Variants in GPSM2 observed in about 807,000 individuals in gnomAD.
The protein encoded by GPSM2 is G protein signaling modulator 2.
A neutral mutation model predicts 78.4 loss-of-function variants in GPSM2; 58 were observed. The observed-to-expected ratio is 0.74, with a 90% CI of 0.60 to 0.92. The LOEUF (loss-of-function observed/expected upper bound fraction) is 0.92, where lower values mean the gene tolerates loss of function less well. Among genes scored for constraint, GPSM2 ranks in the 40% least tolerant of loss-of-function variants. The probability of loss-of-function intolerance (pLI) is 0.00; values close to 1 mark genes in which losing one functional copy is unlikely to be tolerated. For synonymous variants in GPSM2, 224 were observed against 280.2 expected (o/e 0.80, Z 2.00); for missense variants, 700 against 815.5 (o/e 0.86, Z 1.73).
chr1:108,881,374 G>C (rs567387353), intron 1 of GPSM2, among the ~76,000 whole-genome samples: 3 of 152,256 alleles, frequency 2.0e-5, no homozygotes, highest in South Asian at 4.1e-4. Flanking sequence ...TTATTTTCCA[G>C]TTCTTCGTCC....
At chr1:108,919,056 G>A (rs144083536) in intron 12 of GPSM2, among the ~76,000 whole-genome samples, 126 of 151,652 alleles carry the variant, frequency 8.3e-4, no homozygotes, top group African/African-American at 2.9e-3. Context: ...CACCCAGGCT[G>A]GAGTTCAGTG....
At chr1:108,916,676 A>G (rs900453374) in intron 11 of GPSM2, among the ~76,000 whole-genome samples, 2 of 152,254 alleles carry the variant, frequency 1.3e-5, no homozygotes, top group Non-Finnish European at 2.9e-5. Flanking sequence ...GTTATGTAAG[A>G]AGCTGACCAG....
intron 14 of GPSM2, among the ~76,000 whole-genome samples, chr1:108,929,183 T>C (rs1651451825): frequency 6.6e-6 from 1 of 152,082 alleles, no homozygotes; most frequent in Admixed American, 6.6e-5. Flanking sequence ...TATATAAACA[T>C]ATGTATTGAT....
chr1:108,897,874 C>A, intron 4 of GPSM2, 85 bp from the exon 5 acceptor site: 1 of 1,419,698 alleles, frequency 7.0e-7, no homozygotes, highest in Non-Finnish European at 9.8e-7. Flanking sequence ...TTTCCCTTGT[C>A]CGTAATACTA....
In GPSM2 at chr1:108,924,140, G is replaced by GTC. The variant is rs1557880457; in HGVS notation, c.1742_1743insCT (p.Leu582TyrfsTer5). On this transcript the variant is annotated frameshift_variant, in exon 14 of 15. Transcript: ENST00000264126. LOFTEE classifies it high-confidence loss of function. The stretch of plus-strand genomic sequence containing the variant: ...TCGTCTAACACAAAACAGCCAGTCG[G>GTC]TACTTAGCCACCTGATGACTAATGA... 1.2e-6 allele frequency: 2 copies of GTC among 1,613,892 alleles called. No homozygotes were observed. The highest frequency in any genetic ancestry group is 3.3e-5 in the Admixed American group (2 of 60,006).
At position 108,897,093 on chromosome 1, in the gene GPSM2, AT is replaced by A; in HGVS notation, c.278+11del. ...TGATTTAACCCTTGCAAGGTAATTA[AT>A]TTAAGCTTTTAAATATTCTTCCTTC... On this transcript the variant is annotated intron_variant, in intron 3 of 14. Coordinates refer to ENST00000264126, the MANE Select transcript of GPSM2 (RefSeq NM_013296.5). The A allele has an allele frequency of 6.4e-7, 1 of 1,556,126 alleles. No homozygotes were observed. Among genetic ancestry groups the A allele is most frequent in the Non-Finnish European group, 8.9e-7 (1 of 1,128,618 alleles).
intron 1 of GPSM2, among the ~76,000 whole-genome samples, chr1:108,879,162 AAACAT>A (rs1665771434): frequency 6.6e-6 from 1 of 152,226 alleles, no homozygotes; most frequent in African/African-American, 2.4e-5. Flanking sequence ...TCTTTATACA[AAACAT>A]AAGTGAAGAG....
rs769815526 is a variant in GPSM2 at position 108,899,011 on chromosome 1, T to C, written c.797+17T>C. 1 of 1,310,234 alleles carries C rather than the reference T, an allele frequency of 7.6e-7. No homozygotes were observed. The highest frequency in any genetic ancestry group is 1.1e-6 in the Non-Finnish European group (1 of 904,668). 81.2% of individuals were successfully genotyped at this position (1,310,234 alleles called of 1,614,324 possible). On this transcript the variant is annotated intron_variant, in intron 7 of 14. Transcript: ENST00000264126. ...ATACTACAAGTTAGTCTAATATTTC[T>C]GTAGATAAATGTAAAATGAATACTC...
chr1:108,898,407 C>T (rs1648545072), intron 5 of GPSM2, among the ~76,000 whole-genome samples: 2 of 152,122 alleles, frequency 1.3e-5, no homozygotes, highest in South Asian at 4.1e-4. Context: ...TATAGGGGTT[C>T]CAAGATTAAC....
At chr1:108,918,591 C>G (rs551513412) in intron 11 of GPSM2, 22 bp from the exon 12 acceptor site, 2 of 1,592,054 alleles carry the variant, frequency 1.3e-6, no homozygotes, top group East Asian at 2.2e-5. Flanking sequence ...TATTCACCTG[C>G]CTTCCATTTA....
intron 1 of GPSM2, 45 bp downstream of exon 1, chr1:108,877,273 T>C (rs1665676931): frequency 6.6e-6 from 1 of 152,224 alleles, no homozygotes; most frequent in Non-Finnish European, 1.5e-5. Flanking sequence ...TGAGGGGCTC[T>C]CGGAGGGAGG....
intron 8 of GPSM2, 66 bp downstream of exon 8, chr1:108,902,011 T>G: frequency 8.7e-7 from 1 of 1,146,972 alleles, no homozygotes; most frequent in South Asian, 1.3e-5. Flanking sequence ...TCCCTAGAAT[T>G]TTTCCTTTGT....
chr1:108,910,153 G>A (rs1026881235), intron 10 of GPSM2, among the ~76,000 whole-genome samples: 8 of 152,052 alleles, frequency 5.3e-5, no homozygotes, highest in Non-Finnish European at 8.8e-5. Flanking sequence ...TCTGAATAAC[G>A]TTATGACAAA....
At chr1:108,882,419 A>G (rs1374802063) in intron 1 of GPSM2, among the ~76,000 whole-genome samples, 6 of 152,188 alleles carry the variant, frequency 3.9e-5, no homozygotes, top group Admixed American at 3.9e-4. Context: ...TAGATTATTT[A>G]TGATACCTAA....
intron 10 of GPSM2, among the ~76,000 whole-genome samples, chr1:108,905,225 C>T (rs1012264559): frequency 1.3e-5 from 2 of 152,172 alleles, no homozygotes; most frequent in African/African-American, 4.8e-5. Context: ...TAGGTTATGC[C>T]GTTAAGAGCT....
At chr1:108,896,044 G>T (rs994292573) in intron 2 of GPSM2, among the ~76,000 whole-genome samples, 1 of 152,162 alleles carries the variant, frequency 6.6e-6, no homozygotes, top group South Asian at 2.1e-4. Context: ...ACATATGGCA[G>T]AAATCATGAA....
intron 1 of GPSM2, among the ~76,000 whole-genome samples, chr1:108,882,102 C>T (rs2101306237): frequency 6.6e-6 from 1 of 152,240 alleles, no homozygotes; most frequent in South Asian, 2.1e-4. Flanking sequence ...TAGTCACAGG[C>T]CACCACACCT....
Position 108,930,885 on chromosome 1 carries a change from T to TGTC in GPSM2, c.*946_*948dup, listed in dbSNP as rs1651831890. On this transcript the variant is annotated 3_prime_UTR_variant, in exon 15 of 15. Coordinates refer to ENST00000264126, the MANE Select transcript of GPSM2 (RefSeq NM_013296.5). ...CAGCCTGAGTGACAGAGCAAGACTCTGTCTCAAAAAAAAAAAAAACAGCAA... is the reference window on the plus strand; with the variant it reads ...CAGCCTGAGTGACAGAGCAAGACTCTGTCGTCTCAAAAAAAAAAAAAACAGCAA... The TGTC allele has an allele frequency of 7.7e-6, 1 of 129,578 alleles. No homozygotes were observed. The allele number at this position is 129,578 out of a possible 1,614,324, so 8.0% of individuals were successfully genotyped here. A position where few individuals can be genotyped will look rare whatever the true frequency, so the allele number is the denominator to read the frequency against.
At chr1:108,895,102 T>A (rs1255793898) in intron 2 of GPSM2, among the ~76,000 whole-genome samples, 1 of 152,196 alleles carries the variant, frequency 6.6e-6, no homozygotes, top group Non-Finnish European at 1.5e-5. Flanking sequence ...CAACCCTAAC[T>A]TGTACTTTAG....
Sources: gnomAD v4.1 joint callset for allele counts (sites outside exome capture counted in the v4.1 genomes callset) on GRCh38, gnomAD v4.1.1 for gene constraint, MANE v1.5 for transcripts, NCBI Gene and HGNC (gene_info 2026-07-23, HGNC 2026-07-21) for gene names.